Variants in CIBAR1 observed in about 807,000 individuals in gnomAD.
CIBAR1 encodes CBY1-interacting BAR domain-containing protein 1.
CIBAR1 carries 25 observed loss-of-function variants against 44.0 expected under a neutral mutation model. The ratio of observed to expected loss-of-function variants is 0.57; its 90% CI spans 0.41 to 0.79. CIBAR1 has a LOEUF of 0.79. CIBAR1 is among the 30% of genes least tolerant of loss of function. The pLI, the probability that CIBAR1 is intolerant of heterozygous loss-of-function variation, is 0.00. For missense variants in CIBAR1, 278 were observed against 344.8 expected (o/e 0.81, Z 1.53); for synonymous variants, 115 against 119.0 (o/e 0.97, Z 0.22).
chr8:93,716,276 T>C (rs1811031833), intron 6 of CIBAR1, among the ~76,000 whole-genome samples: 1 of 151,908 alleles, frequency 6.6e-6, no homozygotes, highest in African/African-American at 2.4e-5. Context: ...ACTCCTGACC[T>C]CAGGTGATCC....
chr8:93,701,561 G>T, intron 2 of CIBAR1, 103 bp downstream of exon 2: 1 of 906,660 alleles, frequency 1.1e-6, no homozygotes. Flanking sequence ...CTGCAGAGGT[G>T]GATGCAAACT....
chr8:93,728,676 G>T lies in CIBAR1; in HGVS notation c.*379G>T, dbSNP rs1811659372. The T allele has an allele frequency of 6.5e-6, 1 of 153,684 alleles. No individual in the cohort carries two copies. The highest frequency in any genetic ancestry group is 2.1e-4 in the South Asian group (1 of 4,870). The allele number at this position is 153,684 out of a possible 1,614,324, so 9.5% of individuals were successfully genotyped here. ...TCCATGCTTTCATTACCAGAAAAGG[G>T]TCTTACGTAGTCATTATGATTCATG... On this transcript the variant is annotated 3_prime_UTR_variant, in exon 9 of 9. Transcript: ENST00000518322.
chr8:93,718,521 G>A (rs1027446632), intron 6 of CIBAR1, among the ~76,000 whole-genome samples, 154 bp from the exon 7 acceptor site: 1 of 152,040 alleles, frequency 6.6e-6, no homozygotes. Context: ...CTTCACAACT[G>A]TTTTTCAGTT....
At chr8:93,700,974 C>T in intron 1 of CIBAR1, 2 of 1,387,040 alleles carry the variant, frequency 1.4e-6, no homozygotes, top group South Asian at 1.8e-5. Context: ...CTGCGCGGAG[C>T]AGCCGGAGCA....
At chr8:93,712,056 CAG>C (rs1268353023) in intron 6 of CIBAR1, among the ~76,000 whole-genome samples, 2 of 152,090 alleles carry the variant, frequency 1.3e-5, no homozygotes, top group Non-Finnish European at 2.9e-5. Context: ...CTCTTGGTCA[CAG>C]AAGAAAAATT....
At chr8:93,720,201 C>G (rs1811206571) in intron 7 of CIBAR1, 1 of 152,096 alleles carries the variant, frequency 6.6e-6, no homozygotes, top group Admixed American at 6.6e-5. Context: ...CCAGGCTGCT[C>G]TCAAACTCCC....
At chr8:93,727,113 T>C (rs1156968701) in intron 8 of CIBAR1, 2 of 941,336 alleles carry the variant, frequency 2.1e-6, no homozygotes, top group African/African-American at 1.7e-5. Context: ...TCTAATAAAA[T>C]TCTATTTACA....
In CIBAR1 at chr8:93,726,465, A is replaced by G; in HGVS notation, c.729A>G (p.Ser243=). 1 of 1,613,736 alleles carries G rather than the reference A, an allele frequency of 6.2e-7. No individual in the cohort carries two copies. Among genetic ancestry groups the G allele is most frequent in the Non-Finnish European group, 8.5e-7 (1 of 1,179,734 alleles). The part of the protein sequence containing the change: ...RLDIVRANSK[S]PLQRSLSAKC... ...ATATTGTAAGAGCAAATTCAAAGTC[A>G]CCTCTTCAGAGATCACTGTCAGCTA... The change falls in exon 8 of 9, where the codon TCA becomes TCG. Residue 243 remains serine, a synonymous_variant. Coordinates refer to ENST00000518322, the MANE Select transcript of CIBAR1 (RefSeq NM_145269.5).
At chr8:93,721,547 C>T (rs1448230398) in intron 7 of CIBAR1, among the ~76,000 whole-genome samples, 1 of 152,010 alleles carries the variant, frequency 6.6e-6, no homozygotes, top group Admixed American at 6.6e-5. Context: ...ATATCAACTC[C>T]CCTACTTTCT....
At chr8:93,702,619 A>G in intron 2 of CIBAR1, 1 of 427,802 alleles carries the variant, frequency 2.3e-6, no homozygotes, top group South Asian at 1.7e-5. Flanking sequence ...ATTATAAGAA[A>G]TGGTGTAAAG....
At chr8:93,707,537 T>C (rs1810646735) in intron 4 of CIBAR1, among the ~76,000 whole-genome samples, 1 of 152,192 alleles carries the variant, frequency 6.6e-6, no homozygotes, top group Non-Finnish European at 1.5e-5. Context: ...ATAAACAGTA[T>C]TAGGAATTAG....
intron 6 of CIBAR1, chr8:93,715,715 T>G (rs1295198281): frequency 6.6e-6 from 1 of 152,236 alleles, no homozygotes; most frequent in Admixed American, 6.5e-5. Context: ...ATGGATATAT[T>G]TATGCCAAGA....
At chr8:93,702,569 A>G in intron 2 of CIBAR1, 5 of 455,834 alleles carry the variant, frequency 1.1e-5, no homozygotes, top group Non-Finnish European at 2.2e-5. Flanking sequence ...GAGAACAGAA[A>G]AAAGACTTAG....
intron 7 of CIBAR1, among the ~76,000 whole-genome samples, chr8:93,723,027 C>T (rs998009830): frequency 2.0e-5 from 3 of 152,190 alleles, no homozygotes; most frequent in Non-Finnish European, 2.9e-5. Context: ...GACGGAGTCT[C>T]GCTCTGTCGC....
Position 93,701,447 on chromosome 8 carries a change from C to A in CIBAR1, c.250C>A (p.Arg84=), listed in dbSNP as rs1810350353. 1.2e-6 allele frequency: 2 copies of A among 1,612,840 alleles called. No individual in the cohort carries two copies. The highest frequency in any genetic ancestry group is 1.1e-5 in the South Asian group (1 of 90,840). The change falls in exon 2 of 9, where the codon CGA becomes AGA. Residue 84 remains arginine (R), a synonymous_variant. Coordinates refer to ENST00000518322, the MANE Select transcript of CIBAR1 (RefSeq NM_145269.5). ...ADEFAKLQDY[R]QAEVERLEAK... Reference sequence around the variant, plus strand: ...TGAGTTTGCCAAACTTCAGGATTATCGACAAGCAGAGGTATGGAGTGAGAT... The same window carrying A: ...TGAGTTTGCCAAACTTCAGGATTATAGACAAGCAGAGGTATGGAGTGAGAT...
At chr8:93,726,305 TAA>T in intron 7 of CIBAR1, 87 bp from the exon 8 acceptor site, 2 of 1,229,252 alleles carry the variant, frequency 1.6e-6, no homozygotes, top group Non-Finnish European at 2.2e-6. Context: ...GTTGTTTTTT[TAA>T]AAAAAAATCT....
At position 93,728,874 on chromosome 8, in the gene CIBAR1, T is replaced by TA. The variant is rs1400233321; in HGVS notation, c.*583dup. On this transcript the variant is annotated 3_prime_UTR_variant, in exon 9 of 9. Coordinates refer to ENST00000518322, the MANE Select transcript of CIBAR1 (RefSeq NM_145269.5). ...ACACATAAGGCATAAATTTCAGCTG[T>TA]AAAAAAGCTACATTCAATCTGACTC... 2 of 152,074 alleles carry TA rather than the reference T, an allele frequency of 1.3e-5. No individual in the cohort carries two copies. Among genetic ancestry groups the TA allele is most frequent in the Non-Finnish European group, 2.9e-5 (2 of 67,948 alleles). The allele number at this position is 152,074 out of a possible 1,614,324, so 9.4% of individuals were successfully genotyped here.
At chr8:93,716,861 C>T (rs145658916) in intron 6 of CIBAR1, among the ~76,000 whole-genome samples, 1 of 152,156 alleles carries the variant, frequency 6.6e-6, no homozygotes, top group Non-Finnish European at 1.5e-5. Context: ...ATAAACAGTT[C>T]TCTTACATCC....
intron 6 of CIBAR1, among the ~76,000 whole-genome samples, chr8:93,712,735 A>G (rs1250712088): frequency 6.6e-6 from 1 of 151,102 alleles, no homozygotes; most frequent in Non-Finnish European, 1.5e-5. Context: ...TAGTTCTCCT[A>G]GTGGATTTGA....
Sources: allele counts gnomAD v4.1 joint callset (sites outside exome capture counted in the v4.1 genomes callset), GRCh38; gene constraint gnomAD v4.1.1; transcripts MANE v1.5; gene names NCBI Gene and HGNC (gene_info 2026-07-23, HGNC 2026-07-21).